The following GFOD1 variants were observed in gnomAD, a reference collection of about 807,000 sequenced individuals.
The protein encoded by GFOD1 is Gfo/Idh/MocA-like oxidoreductase domain containing 1, also known as glucose-fructose oxidoreductase domain-containing protein 1.
A neutral mutation model predicts 25.4 loss-of-function variants in GFOD1; 9 were observed. The observed-to-expected ratio is 0.35, with a 90% CI of 0.21 to 0.62. GFOD1 has a LOEUF of 0.62. Among genes scored for constraint, GFOD1 ranks in the 20% least tolerant of loss-of-function variants. The probability of loss-of-function intolerance (pLI) is 0.72; values close to 1 mark genes in which losing one functional copy is unlikely to be tolerated. For synonymous variants in GFOD1, 253 were observed against 245.6 expected (o/e 1.03, Z -0.28); for missense variants, 403 against 556.9 (o/e 0.72, Z 2.78).
intron 1 of GFOD1, among the ~76,000 whole-genome samples, chr6:13,379,111 C>T (rs1247343165): frequency 6.6e-6 from 1 of 152,200 alleles, no homozygotes; most frequent in Non-Finnish European, 1.5e-5. Context: ...GCAGTCTGTG[C>T]CAAGGCCCAG....
intron 1 of GFOD1, among the ~76,000 whole-genome samples, chr6:13,483,218 G>C (rs1039477870): frequency 6.6e-6 from 1 of 152,118 alleles, no homozygotes; most frequent in South Asian, 2.1e-4. Context: ...TATGTAGGGT[G>C]GGGGGTTTGA....
intron 1 of GFOD1, among the ~76,000 whole-genome samples, chr6:13,397,191 G>A (rs1451968716): frequency 2.0e-5 from 3 of 152,130 alleles, no homozygotes; most frequent in Middle Eastern, 3.2e-3. Flanking sequence ...GGCCCGCCTC[G>A]GCCTCCCAAA....
In GFOD1 at chr6:13,363,923, G is replaced by A. The variant is rs1784989477; in HGVS notation, c.*820C>T. 1 of 152,314 alleles carries A rather than the reference G, an allele frequency of 6.6e-6. No individual in the cohort carries two copies. The allele number at this position is 152,314 out of a possible 1,614,324, so 9.4% of individuals were successfully genotyped here. A position where few individuals can be genotyped will look rare whatever the true frequency, so the allele number is the denominator to read the frequency against. ...CAATTCCACCTTTACTGGAAATAGTGTTATAAGGTGACTCCTTGCAGTTTT... is the reference window on the plus strand; with the variant it reads ...CAATTCCACCTTTACTGGAAATAGTATTATAAGGTGACTCCTTGCAGTTTT... On this transcript the variant is annotated 3_prime_UTR_variant, in exon 2 of 2. Coordinates refer to ENST00000379287, the MANE Select transcript of GFOD1 (RefSeq NM_018988.4).
chr6:13,446,086 T>C (rs1026818100), intron 1 of GFOD1, among the ~76,000 whole-genome samples: 5 of 152,174 alleles, frequency 3.3e-5, no homozygotes, highest in African/African-American at 1.2e-4. Context: ...AAAACCACCA[T>C]GCTGGAGTCT....
intron 1 of GFOD1, chr6:13,470,049 A>G (rs375686585): frequency 8.0e-6 from 11 of 1,376,978 alleles, no homozygotes; most frequent in Non-Finnish European, 9.7e-6. Flanking sequence ...TTCCTTACAC[A>G]TTGTAGCCAC....
intron 1 of GFOD1, among the ~76,000 whole-genome samples, chr6:13,439,931 C>CA (rs1371388122): frequency 6.6e-6 from 1 of 152,150 alleles, no homozygotes; most frequent in Non-Finnish European, 1.5e-5. Context: ...TTCTAATGTG[C>CA]AGCAAAGACT....
At position 13,430,250 on chromosome 6, in the gene GFOD1, A is replaced by G. The variant is rs1757724576; in HGVS notation, c.253+56388T>C. Reference sequence around the variant, plus strand: ...CCAGGAGTTCGAGACCAGCCTGGCCAATGTGGCGAAACCCCCTCTCTACTA... The same window carrying G: ...CCAGGAGTTCGAGACCAGCCTGGCCGATGTGGCGAAACCCCCTCTCTACTA... On this transcript the variant is annotated intron_variant, in intron 1 of 1. Transcript: ENST00000379287. The surrounding 1 kb of genome is among the most constrained non-coding windows in gnomAD (Gnocchi z 4.1). 2.0e-5 allele frequency among the ~76,000 whole-genome samples: 3 copies of G among 152,230 alleles called. No individual in the cohort carries two copies. The South Asian group carries it at 6.2e-4, about 32-fold the overall frequency.
Position 13,477,047 on chromosome 6 carries a change from C to A in GFOD1, c.253+9591G>T, listed in dbSNP as rs1216359700. On this transcript the variant is annotated intron_variant, in intron 1 of 1. Transcript: ENST00000379287. Reference sequence around the variant, plus strand: ...TGCTTTGAGGACAAGTGCTCAGAGGCCTGCTGCTCTCCTAGGGAGCCCACA... The same window carrying A: ...TGCTTTGAGGACAAGTGCTCAGAGGACTGCTGCTCTCCTAGGGAGCCCACA... Among the ~76,000 whole-genome samples the A allele has an allele frequency of 2.6e-5, 4 of 152,106 alleles. No homozygotes were observed. In the East Asian group the frequency reaches 7.7e-4, roughly 29 times the overall value.
chr6:13,365,932 C>T lies in GFOD1; in HGVS notation c.254-270G>A, dbSNP rs750762971. The stretch of plus-strand genomic sequence containing the variant: ...ATAATAATAATAATAATGAGCCGGG[C>T]GTGGTGGTGCACGCCTGTGGTCCCA... On this transcript the variant is annotated intron_variant, in intron 1 of 1. Coordinates refer to ENST00000379287, the MANE Select transcript of GFOD1 (RefSeq NM_018988.4). The surrounding 1 kb of genome is among the most constrained non-coding windows in gnomAD (Gnocchi z 9.2). Among the ~76,000 whole-genome samples the T allele has an allele frequency of 6.8e-6, 1 of 147,396 alleles. No individual in the cohort carries two copies. Among genetic ancestry groups the T allele is most frequent in the African/African-American group, 2.5e-5 (1 of 40,210 alleles).
intron 1 of GFOD1, among the ~76,000 whole-genome samples, chr6:13,367,547 G>T (rs1785070936): frequency 6.6e-6 from 1 of 152,164 alleles, no homozygotes; most frequent in South Asian, 2.1e-4. Context: ...AGTCTTATGT[G>T]ATGACTGTGA....
At position 13,365,410 on chromosome 6, in the gene GFOD1, C is replaced by T; in HGVS notation, c.506G>A (p.Gly169Asp). 6.2e-7 allele frequency: 1 copy of T among 1,613,996 alleles called. No homozygotes were observed. Among genetic ancestry groups the T allele is most frequent in the Non-Finnish European group, 8.5e-7 (1 of 1,179,976 alleles). ...GCCCACGGAGTGCAGGCCGCCGCCG[C>T]CCATCAAGTCGTCGCAGCTCCAGTT... ...KYNWSCDDLM[G>D]GGGLHSVGTY... The change falls in exon 2 of 2, where the codon GGC (glycine) becomes GAC (aspartate). Residue 169 changes from glycine to aspartate, a missense_variant. Physicochemically the swap from Gly to Asp is moderately conservative, Grantham distance 94 (BLOSUM62 -1). Transcript: ENST00000379287. This position sits in a 1 kb window ranked among gnomAD's most constrained non-coding sequence, Gnocchi z 9.2.
intron 1 of GFOD1, among the ~76,000 whole-genome samples, chr6:13,409,937 A>G (rs111660789): frequency 0.11 from 3,903 of 37,134 alleles, 213 homozygotes; most frequent in African/African-American, 0.14. Flanking sequence ...AAAAAAAAAA[A>G]AAAGAAAGAA....
chr6:13,443,613 C>T (rs904645672), intron 1 of GFOD1, among the ~76,000 whole-genome samples: 2 of 151,904 alleles, frequency 1.3e-5, no homozygotes, highest in Admixed American at 6.6e-5. Flanking sequence ...GTCAGGAGTT[C>T]GAGACCAGCC....
At chr6:13,457,880 T>A (rs1174893269) in intron 1 of GFOD1, among the ~76,000 whole-genome samples, 1 of 152,182 alleles carries the variant, frequency 6.6e-6, no homozygotes, top group African/African-American at 2.4e-5. Flanking sequence ...AGAAGCATTT[T>A]CTATCCAGCC....
chr6:13,470,252 T>A (rs1758469841), intron 1 of GFOD1: 5 of 1,595,676 alleles, frequency 3.1e-6, no homozygotes, highest in East Asian at 2.3e-5. Context: ...TGCCGGCTCA[T>A]GAAGCACATC....
At chr6:13,388,518 T>G (rs947783278) in intron 1 of GFOD1, among the ~76,000 whole-genome samples, 1 of 152,234 alleles carries the variant, frequency 6.6e-6, no homozygotes. Context: ...GGGGAAAGAA[T>G]TCCCTATTTA....
At chr6:13,398,216 G>T (rs754785904) in intron 1 of GFOD1, among the ~76,000 whole-genome samples, 13 of 152,178 alleles carry the variant, frequency 8.5e-5, no homozygotes, top group Non-Finnish European at 1.8e-4. Context: ...CTGTTCTGAG[G>T]ATTAAATGAG....
At chr6:13,432,780 C>T (rs533720700) in intron 1 of GFOD1, among the ~76,000 whole-genome samples, 1 of 152,168 alleles carries the variant, frequency 6.6e-6, no homozygotes, top group East Asian at 1.9e-4. Context: ...ACAGAGGCTA[C>T]TGCAGCCTCT....
chr6:13,413,116 CT>C, intron 1 of GFOD1, among the ~76,000 whole-genome samples: 1 of 152,326 alleles, frequency 6.6e-6, no homozygotes, highest in African/African-American at 2.4e-5. Context: ...TGCCTGCACC[CT>C]AGACTGAGGG....
Sources: allele counts gnomAD v4.1 joint callset (sites outside exome capture counted in the v4.1 genomes callset), GRCh38; gene constraint gnomAD v4.1.1; non-coding constraint Gnocchi (gnomAD v3.1); transcripts MANE v1.5; gene names NCBI Gene and HGNC (gene_info 2026-07-23, HGNC 2026-07-21).